The following DIAPH2 variants were observed in gnomAD, a reference collection of about 807,000 sequenced individuals.
DIAPH2 encodes diaphanous related formin 2.
Under a neutral mutation model 92.7 loss-of-function variants are expected in DIAPH2, and 35 were observed. The ratio of observed to expected loss-of-function variants is 0.38; its 90% confidence interval spans 0.29 to 0.50. The LOEUF (loss-of-function observed/expected upper bound fraction) is 0.50. Among genes scored for constraint, DIAPH2 ranks in the 20% least tolerant of loss-of-function variants. DIAPH2 has a pLI of 0.94. For missense variants in DIAPH2, 701 were observed against 819.5 expected, an observed-to-expected ratio of 0.86 and a Z score of 1.77; for synonymous variants, 301 against 280.4, an observed-to-expected ratio of 1.07 and a Z score of -0.73.
intron 22 of DIAPH2, among the ~76,000 whole-genome samples, chrX:97,243,856 T>C (rs1214877664): frequency 8.9e-6 from 1 of 111,784 alleles, no homozygotes; most frequent in African/African-American, 3.3e-5. Flanking sequence ...GTTGTGGAAG[T>C]AGACATAAAT....
At chrX:97,430,340 C>T (rs554991663) in intron 26 of DIAPH2, among the ~76,000 whole-genome samples, 60 of 112,309 alleles carry the variant, frequency 5.3e-4, no homozygotes, top group African/African-American at 1.9e-3. Context: ...GTAAAACAAC[C>T]TCCCTCACCC....
chrX:97,082,119 A>G (rs1306126025), intron 19 of DIAPH2, among the ~76,000 whole-genome samples: 1 of 109,774 alleles, frequency 9.1e-6, no homozygotes, highest in Non-Finnish European at 1.9e-5. Context: ...AAAAAAAAAA[A>G]AAAATTGAGC....
At position 97,424,147 on chromosome X, in the gene DIAPH2, A is replaced by G. The variant is rs1012274612; in HGVS notation, c.3146-5503A>G. Among the ~76,000 whole-genome samples, 8 of 112,391 alleles carry G rather than the reference A, an allele frequency of 7.1e-5. No individual in the cohort carries two copies. In the Admixed American group the frequency reaches 7.6e-4, roughly 11 times the overall value. On this transcript the variant is annotated intron_variant, in intron 25 of 26. Coordinates refer to ENST00000324765, the MANE Select transcript of DIAPH2 (RefSeq NM_006729.5). ...ATATTCATAAAACCTTGATTCAGTA[A>G]GGTTAGACATTTTATGAAAAATACT...
At chrX:96,727,714 G>C (rs1428556469) in intron 1 of DIAPH2, among the ~76,000 whole-genome samples, 3 of 111,787 alleles carry the variant, frequency 2.7e-5, no homozygotes, top group Non-Finnish European at 5.6e-5. Context: ...CTAAGTGTCA[G>C]AGATCTGAAA....
At chrX:97,263,743 C>T (rs1267370083) in intron 23 of DIAPH2, among the ~76,000 whole-genome samples, 6 of 108,562 alleles carry the variant, frequency 5.5e-5, no homozygotes, top group African/African-American at 2.0e-4. Context: ...TGTGCCACCA[C>T]GCCCGGCTAA....
intron 17 of DIAPH2, among the ~76,000 whole-genome samples, chrX:97,010,086 G>C (rs2066213889): frequency 8.9e-6 from 1 of 112,301 alleles, no homozygotes; most frequent in Admixed American, 9.4e-5. Flanking sequence ...TTAGCCTGTG[G>C]TGGTGAGGTT....
At position 97,236,555 on chromosome X, in the gene DIAPH2, T is replaced by C. The variant is rs183043098; in HGVS notation, c.2720-11160T>C. Among the ~76,000 whole-genome samples the C allele has an allele frequency of 7.4e-4, 76 of 102,710 alleles. 1 individual carries two copies. Among genetic ancestry groups the C allele is most frequent in the Middle Eastern group, 9.7e-3 (2 of 206 alleles). The allele number at this position is 102,710 out of a possible 115,157, so 89.2% of individuals were successfully genotyped here. A position where few individuals can be genotyped will look rare whatever the true frequency, so the allele number is the denominator to read the frequency against. On this transcript the variant is annotated intron_variant, in intron 22 of 26. Transcript: ENST00000324765. ...TTTTTTTTCATTTTCATTTTTTTTT[T>C]TTTTTTTGAGATGGAGTCTCGCTCT...
chrX:97,150,983 T>C (rs1440707030), intron 22 of DIAPH2, among the ~76,000 whole-genome samples: 1 of 112,413 alleles, frequency 8.9e-6, no homozygotes, highest in Admixed American at 9.4e-5. Flanking sequence ...TGCAGATATT[T>C]AATTTCAACT....
chrX:97,262,496 GA>G lies in DIAPH2; in HGVS notation c.2844+14658del, dbSNP rs745953368. On this transcript the variant is annotated intron_variant, in intron 23 of 26. Coordinates refer to ENST00000324765, the MANE Select transcript of DIAPH2 (RefSeq NM_006729.5). ...TGAGGGAGAACGTAGAAGGAGCAAG[GA>G]TAGTTCTGATGTGAAATCATGGAAG... Among the ~76,000 whole-genome samples the G allele has an allele frequency of 3.6e-5, 4 of 112,305 alleles. No individual in the cohort carries two copies. In the Admixed American group the frequency reaches 3.8e-4, roughly 11 times the overall value.
intron 4 of DIAPH2, among the ~76,000 whole-genome samples, chrX:96,761,343 G>GT (rs2064267267): frequency 1.0e-5 from 1 of 99,828 alleles, no homozygotes; most frequent in African/African-American, 3.4e-5. Context: ...AGGCAGCATT[G>GT]GTTTTTTTTT....
At chrX:97,594,661 G>A (rs1381665947) in intron 26 of DIAPH2, among the ~76,000 whole-genome samples, 1 of 112,681 alleles carries the variant, frequency 8.9e-6, no homozygotes, top group Non-Finnish European at 1.9e-5. Context: ...AAAGGGCTTT[G>A]GAGAAAGCAA....
chrX:97,021,091 T>C (rs1296716197), intron 17 of DIAPH2, among the ~76,000 whole-genome samples: 1 of 112,416 alleles, frequency 8.9e-6, no homozygotes, highest in African/African-American at 3.2e-5. Flanking sequence ...TGTTCTTAAC[T>C]CTTTGAGAAG....
intron 5 of DIAPH2, among the ~76,000 whole-genome samples, chrX:96,897,587 C>T (rs1310952549): frequency 9.1e-6 from 1 of 110,151 alleles, no homozygotes; most frequent in African/African-American, 3.3e-5. Flanking sequence ...AACCCAGTTG[C>T]TGAATTTAGG....
At chrX:97,474,914 A>T (rs2070592125) in intron 26 of DIAPH2, among the ~76,000 whole-genome samples, 1 of 111,130 alleles carries the variant, frequency 9.0e-6, no homozygotes. Flanking sequence ...AGAAATGAGA[A>T]ATCTGATTTG....
chrX:97,104,808 A>ACTC lies in DIAPH2; in HGVS notation c.2349+5014_2349+5016dup, dbSNP rs767156996. On this transcript the variant is annotated intron_variant, in intron 20 of 26. Coordinates refer to ENST00000324765, the MANE Select transcript of DIAPH2 (RefSeq NM_006729.5). ...GTGTAAATATGCCAGAAATTAGATT[A>ACTC]CTCTTGCAGTATTCATTAAAATAAT... is the stretch of plus-strand genomic sequence containing the variant. 4.9e-3 allele frequency among the ~76,000 whole-genome samples: 550 copies of ACTC among 111,554 alleles called. 5 individuals are homozygous for ACTC. Among genetic ancestry groups the ACTC allele is most frequent in the African/African-American group, 0.017 (521 of 30,658 alleles).
At chrX:96,790,677 G>A (rs768412989) in intron 4 of DIAPH2, among the ~76,000 whole-genome samples, 3 of 110,994 alleles carry the variant, frequency 2.7e-5, no homozygotes, top group Non-Finnish European at 5.7e-5. Context: ...GAGAATTGTG[G>A]GTGTCAACTC....
chrX:96,783,233 C>T (rs540397791), intron 4 of DIAPH2, among the ~76,000 whole-genome samples: 25 of 111,627 alleles, frequency 2.2e-4, no homozygotes, highest in African/African-American at 8.1e-4. Context: ...AACATGAGGG[C>T]CAGCCAGAGT....
intron 26 of DIAPH2, among the ~76,000 whole-genome samples, chrX:97,472,410 C>A (rs2147810416): frequency 8.9e-6 from 1 of 112,258 alleles, no homozygotes; most frequent in African/African-American, 3.2e-5. Context: ...AATAATAATC[C>A]TTTTTAAAAT....
Position 97,121,738 on chromosome X carries a change from G to A in DIAPH2, c.2589+6773G>A, listed in dbSNP as rs546246439. On this transcript the variant is annotated intron_variant, in intron 21 of 26. Transcript: ENST00000324765. ...ATCAGCAACTCATTATTAAATATGGGTTATTAAATAAATTAACATGAGACT... is the reference window on the plus strand; with the variant it reads ...ATCAGCAACTCATTATTAAATATGGATTATTAAATAAATTAACATGAGACT... Among the ~76,000 whole-genome samples, 6 of 111,504 alleles carry A rather than the reference G, an allele frequency of 5.4e-5. No individual in the cohort carries two copies. The South Asian group carries it at 1.9e-3, about 35-fold the overall frequency.
Sources: gnomAD v4.1 joint callset for allele counts (sites outside exome capture counted in the v4.1 genomes callset) on GRCh38, gnomAD v4.1.1 for gene constraint, MANE v1.5 for transcripts, NCBI Gene and HGNC (gene_info 2026-07-23, HGNC 2026-07-21) for gene names.